SMARCA1: variants seen among roughly 807,000 people sequenced by gnomAD.
SMARCA1 encodes the protein SWI/SNF-related matrix-associated actin-dependent regulator of chromatin subfamily A member 1.
Under a neutral mutation model 93.6 loss-of-function variants are expected in SMARCA1, and 17 were observed. The observed-to-expected ratio is 0.18, with a 90% confidence interval of 0.12 to 0.27. The LOEUF is 0.27. Ranked by LOEUF, SMARCA1 falls within the 10% of genes least tolerant of loss-of-function variation. The pLI is 1.00. For synonymous variants in SMARCA1, 271 were observed against 271.4 expected, an observed-to-expected ratio of 1.00 and a Z score of 0.01; for missense variants, 630 against 819.0, an observed-to-expected ratio of 0.77 and a Z score of 2.82.
chrX:129,492,408 AT>A (rs889987203), intron 13 of SMARCA1, among the ~76,000 whole-genome samples: 3 of 111,875 alleles, frequency 2.7e-5, no homozygotes, highest in Non-Finnish European at 5.6e-5. Context: ...GCAAGTAATA[AT>A]TCATTTACAT....
chrX:129,511,857 G>T lies in SMARCA1; in HGVS notation c.757C>A (p.Arg253=), dbSNP rs777887704. 1 of 1,206,348 alleles carries T rather than the reference G, an allele frequency of 8.3e-7. No individual in the cohort carries two copies. Among genetic ancestry groups the T allele is most frequent in the Non-Finnish European group, 1.1e-6 (1 of 891,657 alleles). The change falls in exon 6 of 25, where the codon CGA becomes AGA. Residue 253 remains arginine, a synonymous_variant. Transcript: ENST00000371121. ...TLHNWMNEFK[R]WVPSLRVICF... ...ATGACACGGAGAGATGGGACCCATC[G>T]TTTAAATTCATTCATCCAGTTGTGT...
At chrX:129,504,033 T>A (rs1203767812) in intron 9 of SMARCA1, among the ~76,000 whole-genome samples, 2 of 104,967 alleles carry the variant, frequency 1.9e-5, no homozygotes, top group Non-Finnish European at 3.9e-5. Context: ...ATCCCAGCAC[T>A]TTGGGAGGCC....
chrX:129,499,939 C>A, intron 9 of SMARCA1, 98 bp from the exon 10 acceptor site: 1 of 384,172 alleles, frequency 2.6e-6, no homozygotes, highest in Non-Finnish European at 4.5e-6. Context: ...CTTCCCACTG[C>A]ATAGTCTGAC....
At chrX:129,488,718 C>T (rs1934003967) in intron 16 of SMARCA1, among the ~76,000 whole-genome samples, 1 of 109,181 alleles carries the variant, frequency 9.2e-6, no homozygotes, top group Admixed American at 9.8e-5. Flanking sequence ...TATAAGGTCA[C>T]TCAATTTTAA....
Position 129,465,926 on chromosome X carries a change from A to T in SMARCA1, c.2735T>A (p.Ile912Asn). 8.6e-7 allele frequency: 1 copy of T among 1,162,968 alleles called. No individual in the cohort carries two copies. Among genetic ancestry groups the T allele is most frequent in the Non-Finnish European group, 1.2e-6 (1 of 862,520 alleles). Residue 912 changes from isoleucine to asparagine, a missense_variant, in exon 22 of 25, where the codon ATT becomes AAT. Physicochemically the swap from Ile to Asn is moderately radical, Grantham distance 149. Around this residue, in one of 4 missense-constraint regions of SMARCA1, gnomAD observed 93 missense variants for 160.8 expected, o/e 0.58. Transcript: ENST00000371121. The stretch of plus-strand genomic sequence containing the variant: ...TTCAATTTGAGCCATAATTTTCTCA[A>T]TGTCCTGTAATTCATTGCAACGTTC... ...FWERCNELQD[I>N]EKIMAQIERG...
chrX:129,460,414 G>A (rs1424976249), intron 23 of SMARCA1, among the ~76,000 whole-genome samples: 2 of 109,875 alleles, frequency 1.8e-5, no homozygotes, highest in Non-Finnish European at 3.8e-5. Flanking sequence ...TTGGGAGACC[G>A]CGAGGTGGGA....
chrX:129,512,558 A>C (rs1935050608), intron 5 of SMARCA1, among the ~76,000 whole-genome samples: 1 of 111,811 alleles, frequency 8.9e-6, no homozygotes, highest in Non-Finnish European at 1.9e-5. Context: ...AGGACTTTTT[A>C]AAAAATAATA....
At chrX:129,517,023 CA>C (rs1935226060) in intron 2 of SMARCA1, among the ~76,000 whole-genome samples, 2 of 111,049 alleles carry the variant, frequency 1.8e-5, no homozygotes, top group Non-Finnish European at 3.8e-5. Flanking sequence ...CATCTTGTCT[CA>C]AAATATTTTC....
rs1297498060 is a variant in SMARCA1, at chrX:129,518,423, T to C, written c.199A>G (p.Lys67Glu). The C allele has an allele frequency of 8.5e-7, 1 of 1,182,895 alleles. No homozygotes were observed. The highest frequency in any genetic ancestry group is 1.1e-6 in the Non-Finnish European group (1 of 878,447). Reference protein sequence around the residue: ...KEKNVSSFQLKLAAKAPKSEK... With the variant: ...KEKNVSSFQLELAAKAPKSEK... ...GATTTAGGCGCTTTAGCAGCAAGTT[T>C]GAGTTGAAATGAAGAAACGTTTTTC... Residue 67 changes from lysine to glutamate, a missense_variant, in exon 2 of 25, where the codon AAA becomes GAA. Physicochemically the swap from Lys to Glu is moderately conservative, Grantham distance 56 (BLOSUM62 1). This residue lies in a region of SMARCA1 where 103 missense variants were observed against 82.0 expected (regional missense o/e 1.26). Coordinates refer to ENST00000371121, the MANE Select transcript of SMARCA1 (RefSeq NM_001282874.2).
At chrX:129,497,774 G>A (rs1209533010) in intron 11 of SMARCA1, 71 bp downstream of exon 11, 9 of 678,643 alleles carry the variant, frequency 1.3e-5, no homozygotes, top group Non-Finnish European at 2.0e-5. Flanking sequence ...GAATGAATAT[G>A]GAAAATTTTA....
At chrX:129,503,920 C>T (rs1487589219) in intron 9 of SMARCA1, among the ~76,000 whole-genome samples, 3 of 104,673 alleles carry the variant, frequency 2.9e-5, no homozygotes, top group African/African-American at 1.1e-4. Context: ...CAAGATCATG[C>T]CACTGAACTC....
At chrX:129,449,664 T>A (rs1373572997) in intron 23 of SMARCA1, among the ~76,000 whole-genome samples, 1 of 112,006 alleles carries the variant, frequency 8.9e-6, no homozygotes, top group Admixed American at 9.5e-5. Context: ...TGGTTTAATA[T>A]CAAAGGATAA....
At position 129,471,640 on chromosome X, in the gene SMARCA1, T is replaced by TA. The variant is rs966805279; in HGVS notation, c.2443-315dup. Among the ~76,000 whole-genome samples, 71 of 109,131 alleles carry TA rather than the reference T, an allele frequency of 6.5e-4. No homozygotes were observed. In the East Asian group the frequency reaches 0.011, roughly 17 times the overall value. The allele number at this position is 109,131 out of a possible 115,157, so 94.8% of individuals were successfully genotyped here. A position where few individuals can be genotyped will look rare whatever the true frequency, so the allele number is the denominator to read the frequency against. On this transcript the variant is annotated intron_variant, in intron 19 of 24. Coordinates refer to ENST00000371121, the MANE Select transcript of SMARCA1 (RefSeq NM_001282874.2). ...ACAGAACAAACAAAAAGTTTAGTGGTAAAAAACAAAAAAGAATCCATATTC... is the reference window on the plus strand; with the variant it reads ...ACAGAACAAACAAAAAGTTTAGTGGTAAAAAAACAAAAAAGAATCCATATTC...
intron 19 of SMARCA1, among the ~76,000 whole-genome samples, chrX:129,471,866 T>A (rs923517300): frequency 9.0e-6 from 1 of 111,343 alleles, no homozygotes; most frequent in Non-Finnish European, 1.9e-5. Context: ...AAACAGAGAA[T>A]ATAAGAGGGA....
intron 19 of SMARCA1, among the ~76,000 whole-genome samples, chrX:129,475,060 C>T (rs1933307203): frequency 9.1e-6 from 1 of 109,931 alleles, no homozygotes; most frequent in African/African-American, 3.3e-5. Context: ...TACCCAGTCC[C>T]GGGTATGTCC....
At chrX:129,522,947 A>G (rs1226498244) in intron 1 of SMARCA1, among the ~76,000 whole-genome samples, 2 of 110,752 alleles carry the variant, frequency 1.8e-5, no homozygotes, top group African/African-American at 6.6e-5. Flanking sequence ...AGGCCCCGGG[A>G]GAGCGGGCAC....
intron 23 of SMARCA1, among the ~76,000 whole-genome samples, chrX:129,464,335 T>C (rs1932857842): frequency 8.9e-6 from 1 of 112,635 alleles, no homozygotes; most frequent in African/African-American, 3.2e-5. Flanking sequence ...CTAAGAAAAA[T>C]GTATCCTATT....
At chrX:129,518,643 C>A in intron 1 of SMARCA1, 196 bp from the exon 2 acceptor site, 1 of 263,073 alleles carries the variant, frequency 3.8e-6, no homozygotes, top group Non-Finnish European at 6.8e-6. Flanking sequence ...CACCTGAGGT[C>A]CAATAAAAAA....
chrX:129,502,914 C>T (rs1480092252), intron 9 of SMARCA1, among the ~76,000 whole-genome samples: 1 of 111,165 alleles, frequency 9.0e-6, no homozygotes. Context: ...GGGGGAAAGT[C>T]CATAAAGAAT....
Sources: allele counts gnomAD v4.1 joint callset (sites outside exome capture counted in the v4.1 genomes callset), GRCh38; gene constraint gnomAD v4.1.1; regional missense constraint gnomAD v4.1.1; transcripts MANE v1.5; gene names NCBI Gene and HGNC (gene_info 2026-07-23, HGNC 2026-07-21).